The following SH3GL2 variants were observed in gnomAD, a reference collection of about 807,000 sequenced individuals.
The protein encoded by SH3GL2 is SH3 domain containing GRB2 like 2, endophilin A1.
A neutral mutation model predicts 46.0 loss-of-function variants in SH3GL2; 24 were observed. The ratio of observed to expected loss-of-function variants is 0.52; its 90% CI spans 0.38 to 0.73. The LOEUF (loss-of-function observed/expected upper bound fraction) is 0.73. SH3GL2 is among the 30% of genes least tolerant of loss of function. The pLI is 0.00. For synonymous variants in SH3GL2, 196 were observed against 147.1 expected, an observed-to-expected ratio of 1.33 and a Z score of -2.40; for missense variants, 413 against 424.2, an observed-to-expected ratio of 0.97 and a Z score of 0.23.
intron 1 of SH3GL2, among the ~76,000 whole-genome samples, chr9:17,667,597 A>G (rs1820378400): frequency 6.6e-6 from 1 of 152,192 alleles, no homozygotes. Context: ...CTTTTTGGCT[A>G]TTAAGAATGA....
intron 1 of SH3GL2, among the ~76,000 whole-genome samples, chr9:17,639,558 C>G (rs563059602): frequency 1.6e-4 from 25 of 152,264 alleles, no homozygotes; most frequent in Non-Finnish European, 2.9e-4. Context: ...CAACCGGCAC[C>G]TTTATACATT....
chr9:17,629,587 C>G (rs1199214289), intron 1 of SH3GL2, among the ~76,000 whole-genome samples: 1 of 152,150 alleles, frequency 6.6e-6, no homozygotes, highest in East Asian at 1.9e-4. Flanking sequence ...GTTTTCCTAA[C>G]TAAAGGATTG....
intron 3 of SH3GL2, among the ~76,000 whole-genome samples, chr9:17,763,518 G>T (rs1823236410): frequency 6.6e-6 from 1 of 152,100 alleles, no homozygotes; most frequent in South Asian, 2.1e-4. Flanking sequence ...CACGTCACGA[G>T]CAAAGGAATG....
chr9:17,743,324 C>T (rs1237918676), intron 1 of SH3GL2, among the ~76,000 whole-genome samples: 2 of 152,024 alleles, frequency 1.3e-5, no homozygotes. Flanking sequence ...TTTAATATTA[C>T]TTTTTCCCCC....
In SH3GL2 at chr9:17,757,895, C is replaced by T. The variant is rs3808677; in HGVS notation, c.115-3542C>T. Among the ~76,000 whole-genome samples the T allele has an allele frequency of 2.6e-5, 4 of 152,262 alleles. No homozygotes were observed. In the East Asian group the frequency reaches 7.7e-4, roughly 29 times the overall value. The stretch of plus-strand genomic sequence containing the variant: ...CTTCTGCCAAGTGCATAACAAGGCA[C>T]ATTCAGGGGTCTCATGGGGTTATGG... On this transcript the variant is annotated intron_variant, in intron 2 of 8. Transcript: ENST00000380607.
At chr9:17,684,535 T>A (rs1820855518) in intron 1 of SH3GL2, among the ~76,000 whole-genome samples, 1 of 152,044 alleles carries the variant, frequency 6.6e-6, no homozygotes, top group African/African-American at 2.4e-5. Context: ...TGGTATAAAA[T>A]AGTGCAATAC....
At chr9:17,654,494 A>G (rs921548198) in intron 1 of SH3GL2, among the ~76,000 whole-genome samples, 4 of 152,226 alleles carry the variant, frequency 2.6e-5, no homozygotes, top group Non-Finnish European at 4.4e-5. Flanking sequence ...TGATTTATTT[A>G]TAGGAGAACT....
intron 1 of SH3GL2, among the ~76,000 whole-genome samples, chr9:17,658,791 G>C (rs1820148018): frequency 6.6e-6 from 1 of 152,164 alleles, no homozygotes; most frequent in South Asian, 2.1e-4. Flanking sequence ...TTGGAAATTA[G>C]TGTGCACTGA....
chr9:17,683,309 G>A (rs887308262), intron 1 of SH3GL2, among the ~76,000 whole-genome samples: 4 of 152,026 alleles, frequency 2.6e-5, no homozygotes, highest in Non-Finnish European at 5.9e-5. Flanking sequence ...TGGAAGAATG[G>A]CATTCTTATG....
At chr9:17,605,133 C>T (rs1818740401) in intron 1 of SH3GL2, among the ~76,000 whole-genome samples, 1 of 152,090 alleles carries the variant, frequency 6.6e-6, no homozygotes, top group East Asian at 1.9e-4. Context: ...CCACCATGCC[C>T]AGCTAACTTT....
At chr9:17,619,533 C>G (rs1394481192) in intron 1 of SH3GL2, among the ~76,000 whole-genome samples, 1 of 152,042 alleles carries the variant, frequency 6.6e-6, no homozygotes, top group Non-Finnish European at 1.5e-5. Context: ...CAAAAATTAG[C>G]TGGGCTTGGT....
intron 1 of SH3GL2, among the ~76,000 whole-genome samples, chr9:17,695,001 T>G (rs939731776): frequency 1.3e-5 from 2 of 152,084 alleles, no homozygotes; most frequent in African/African-American, 4.8e-5. Flanking sequence ...TCACTAGACA[T>G]GAATAAATCA....
chr9:17,608,201 G>T (rs916547709), intron 1 of SH3GL2, among the ~76,000 whole-genome samples: 29 of 140,946 alleles, frequency 2.1e-4, no homozygotes, highest in Admixed American at 1.3e-3. Flanking sequence ...AGGCTGGAGT[G>T]CAGTGGCACA....
intron 1 of SH3GL2, among the ~76,000 whole-genome samples, chr9:17,612,764 C>T (rs1490359493): frequency 6.6e-6 from 1 of 152,136 alleles, no homozygotes; most frequent in Non-Finnish European, 1.5e-5. Context: ...CCCATAACCG[C>T]AATCAATTTT....
rs548391301 is a variant in SH3GL2 at position 17,743,445 on chromosome 9, C to T, written c.46-3621C>T. Among the ~76,000 whole-genome samples, 3 of 152,180 alleles carry T rather than the reference C, an allele frequency of 2.0e-5. No individual in the cohort carries two copies. The South Asian group carries it at 6.2e-4, about 32-fold the overall frequency. On this transcript the variant is annotated intron_variant, in intron 1 of 8. Transcript: ENST00000380607. ...TCATTCGCTATATTTGGTGAACTGT[C>T]TCTCTCAGCAGCTCAAATGTCAGTT...
At chr9:17,733,665 G>A (rs1563831739) in intron 1 of SH3GL2, among the ~76,000 whole-genome samples, 1 of 151,892 alleles carries the variant, frequency 6.6e-6, no homozygotes, top group Admixed American at 6.6e-5. Flanking sequence ...AAAGACACAT[G>A]CACACATGTG....
At chr9:17,674,167 T>G (rs1161929072) in intron 1 of SH3GL2, among the ~76,000 whole-genome samples, 1 of 152,240 alleles carries the variant, frequency 6.6e-6, no homozygotes, top group African/African-American at 2.4e-5. Flanking sequence ...TTCTTTGTAT[T>G]TATCTTGGGT....
At chr9:17,614,639 C>A (rs1018203277) in intron 1 of SH3GL2, among the ~76,000 whole-genome samples, 2 of 152,108 alleles carry the variant, frequency 1.3e-5, no homozygotes, top group Non-Finnish European at 2.9e-5. Flanking sequence ...AGTATGACAA[C>A]CTTGTGAGCT....
At chr9:17,752,647 A>G (rs1822879735) in intron 2 of SH3GL2, among the ~76,000 whole-genome samples, 1 of 152,054 alleles carries the variant, frequency 6.6e-6, no homozygotes, top group Non-Finnish European at 1.5e-5. Flanking sequence ...ACCAGCACAC[A>G]CCACCATGCC....
Sources: allele counts gnomAD v4.1 joint callset (sites outside exome capture counted in the v4.1 genomes callset), GRCh38; gene constraint gnomAD v4.1.1; transcripts MANE v1.5; gene names NCBI Gene and HGNC (gene_info 2026-07-23, HGNC 2026-07-21).